DIAPH2: variants seen among roughly 807,000 people sequenced by gnomAD.
DIAPH2 encodes diaphanous related formin 2.
Under a neutral mutation model 92.7 loss-of-function variants are expected in DIAPH2, and 35 were observed. The ratio of observed to expected loss-of-function variants is 0.38; its 90% CI spans 0.29 to 0.50. DIAPH2 has a LOEUF of 0.50. Ranked by LOEUF, DIAPH2 falls within the 20% of genes least tolerant of loss-of-function variation. The probability of loss-of-function intolerance (pLI) is 0.94; values close to 1 mark genes in which losing one functional copy is unlikely to be tolerated. For missense variants in DIAPH2, 701 were observed against 819.5 expected, an observed-to-expected ratio of 0.86 and a Z score of 1.77; for synonymous variants, 301 against 280.4, an observed-to-expected ratio of 1.07 and a Z score of -0.73.
At chrX:97,081,254 T>TA (rs869119860) in intron 19 of DIAPH2, among the ~76,000 whole-genome samples, 1 of 111,716 alleles carries the variant, frequency 9.0e-6, no homozygotes, top group African/African-American at 3.3e-5. Context: ...AATAGGTGAT[T>TA]AAAAATTTTT....
At chrX:96,949,850 A>C (rs1211553901) in intron 15 of DIAPH2, among the ~76,000 whole-genome samples, 1 of 100,788 alleles carries the variant, frequency 9.9e-6, no homozygotes, top group East Asian at 3.0e-4. Flanking sequence ...ACAGAGCGAG[A>C]CTCCGTCTGA....
chrX:96,779,924 T>G lies in DIAPH2; in HGVS notation c.447+21666T>G, dbSNP rs776037966. On this transcript the variant is annotated intron_variant, in intron 4 of 26. Coordinates refer to ENST00000324765, the MANE Select transcript of DIAPH2 (RefSeq NM_006729.5). Reference sequence around the variant, plus strand: ...TTAGAACTCTATTTATTTTAAAAATTTACAAAAATAGCACCCATGTTCAAA... The same window carrying G: ...TTAGAACTCTATTTATTTTAAAAATGTACAAAAATAGCACCCATGTTCAAA... 6.3e-5 allele frequency among the ~76,000 whole-genome samples: 7 copies of G among 111,922 alleles called. No homozygotes were observed. The South Asian group carries it at 2.6e-3, about 41-fold the overall frequency.
intron 13 of DIAPH2, 136 bp downstream of exon 13, chrX:96,942,272 T>A (rs1244560274): frequency 2.2e-6 from 1 of 457,330 alleles, no homozygotes. Context: ...AATCATTGTG[T>A]CTCTGGGCAC....
At chrX:97,015,780 G>A (rs1309372968) in intron 17 of DIAPH2, among the ~76,000 whole-genome samples, 5 of 84,158 alleles carry the variant, frequency 5.9e-5, no homozygotes, top group East Asian at 3.7e-4. Context: ...AGAGCGAGAC[G>A]CCATCTGAAA....
intron 22 of DIAPH2, among the ~76,000 whole-genome samples, chrX:97,150,959 A>G (rs1158068046): frequency 8.9e-6 from 1 of 112,323 alleles, no homozygotes; most frequent in Non-Finnish European, 1.9e-5. Context: ...TGCTTGGAGT[A>G]ACTAAAATAT....
intron 22 of DIAPH2, among the ~76,000 whole-genome samples, chrX:97,164,960 T>C (rs1188173951): frequency 1.8e-5 from 2 of 112,089 alleles, no homozygotes; most frequent in Non-Finnish European, 3.8e-5. Context: ...TTCAGGTAAA[T>C]GGTAAAGCAG....
chrX:97,370,647 T>C (rs894276143), intron 24 of DIAPH2, among the ~76,000 whole-genome samples: 2 of 111,934 alleles, frequency 1.8e-5, no homozygotes, highest in African/African-American at 6.5e-5. Context: ...TTATGCAGCA[T>C]GTGCTTTAGG....
chrX:97,278,707 A>C (rs1452040908), intron 23 of DIAPH2, among the ~76,000 whole-genome samples: 1 of 112,192 alleles, frequency 8.9e-6, no homozygotes, highest in African/African-American at 3.2e-5. Context: ...AGAAACAGCC[A>C]TGTATTTTTG....
intron 24 of DIAPH2, among the ~76,000 whole-genome samples, chrX:97,378,899 C>G (rs771729559): frequency 8.9e-6 from 1 of 111,850 alleles, no homozygotes; most frequent in East Asian, 2.8e-4. Context: ...CGAAGAAATA[C>G]TCCTCAGTGT....
intron 5 of DIAPH2, chrX:96,884,409 T>C: frequency 8.3e-7 from 1 of 1,210,628 alleles, no homozygotes; most frequent in Non-Finnish European, 1.1e-6. Context: ...CAACTCCTGC[T>C]ATTAAGACCC....
At chrX:97,050,514 T>G (rs759417313) in intron 17 of DIAPH2, among the ~76,000 whole-genome samples, 15 of 108,621 alleles carry the variant, frequency 1.4e-4, no homozygotes, top group Middle Eastern at 4.7e-3. Context: ...TTGTTTTTTT[T>G]TTTTTTTCCT....
intron 19 of DIAPH2, among the ~76,000 whole-genome samples, chrX:97,091,654 C>A (rs901237650): frequency 2.7e-5 from 3 of 111,050 alleles, no homozygotes; most frequent in African/African-American, 9.8e-5. Context: ...AATATATTTT[C>A]ACTGGGTATA....
chrX:97,500,763 GATATATATATATATATATAT>G lies in DIAPH2; in HGVS notation c.3241+71039_3241+71058del, dbSNP rs56041649. Among the ~76,000 whole-genome samples, 228 of 60,105 alleles carry G rather than the reference GATATATATATATATATATAT, an allele frequency of 3.8e-3. 5 individuals are homozygous for G. The highest frequency in any genetic ancestry group is 3.7e-3 in the Non-Finnish European group (119 of 32,298). The allele number at this position is 60,105 out of a possible 115,157, so 52.2% of individuals were successfully genotyped here. On this transcript the variant is annotated intron_variant, in intron 26 of 26. Coordinates refer to ENST00000324765, the MANE Select transcript of DIAPH2 (RefSeq NM_006729.5). ...TGATTTCACAACAGCCATTCAAGGA[GATATATATATATATATATAT>G]ATATATATATATATATATATCCTTG...
rs765339243 is a variant in DIAPH2, at chrX:97,067,058, A to G, written c.2051-5883A>G. Among the ~76,000 whole-genome samples the G allele has an allele frequency of 4.5e-3, 500 of 111,489 alleles. 2 individuals carry two copies. Among genetic ancestry groups the G allele is most frequent in the Non-Finnish European group, 7.8e-3 (415 of 53,080 alleles). Reference sequence around the variant, plus strand: ...TGGTTAGTGTGCAGCTGTAGGCAACATGGAGAGGGGAAGCTTCGCAGCTGT... The same window carrying G: ...TGGTTAGTGTGCAGCTGTAGGCAACGTGGAGAGGGGAAGCTTCGCAGCTGT... On this transcript the variant is annotated intron_variant, in intron 17 of 26. Transcript: ENST00000324765.
intron 4 of DIAPH2, among the ~76,000 whole-genome samples, chrX:96,807,917 A>C (rs2064640137): frequency 1.1e-5 from 1 of 89,711 alleles, no homozygotes; most frequent in South Asian, 7.1e-4. Context: ...CATCTACCAC[A>C]AGTGAGATTT....
intron 17 of DIAPH2, among the ~76,000 whole-genome samples, chrX:96,985,938 C>A (rs903609367): frequency 1.4e-4 from 15 of 110,904 alleles, no homozygotes; most frequent in African/African-American, 4.2e-4. Flanking sequence ...TGACAGCATG[C>A]TTCTTTGACT....
intron 4 of DIAPH2, among the ~76,000 whole-genome samples, chrX:96,772,529 A>G (rs2064345950): frequency 8.9e-6 from 1 of 112,272 alleles, no homozygotes; most frequent in Non-Finnish European, 1.9e-5. Flanking sequence ...TTGTATTAAT[A>G]TCTAGTTTAT....
intron 19 of DIAPH2, among the ~76,000 whole-genome samples, chrX:97,082,216 A>G (rs768189029): frequency 4.5e-5 from 5 of 110,737 alleles, no homozygotes; most frequent in African/African-American, 1.3e-4. Context: ...TGCCTTGGAC[A>G]CTTTAAACCA....
intron 4 of DIAPH2, among the ~76,000 whole-genome samples, chrX:96,774,333 T>G (rs1272894133): frequency 1.8e-5 from 2 of 111,793 alleles, no homozygotes; most frequent in Non-Finnish European, 3.8e-5. Flanking sequence ...ACTGTTAATA[T>G]TTAGTCTTTC....
Sources: allele counts gnomAD v4.1 joint callset (sites outside exome capture counted in the v4.1 genomes callset), GRCh38; gene constraint gnomAD v4.1.1; transcripts MANE v1.5; gene names NCBI Gene and HGNC (gene_info 2026-07-23, HGNC 2026-07-21).